The following JMJD4 variants were observed in gnomAD, a reference collection of about 807,000 sequenced individuals.
JMJD4 encodes jumonji domain containing 4, also known as 2-oxoglutarate and iron-dependent oxygenase JMJD4.
In JMJD4, 34 loss-of-function variants were observed where a neutral mutation model predicts 36.3. The ratio of observed to expected loss-of-function variants is 0.94; its 90% CI spans 0.71 to 1.25. JMJD4 has a LOEUF of 1.25. Ranked by LOEUF, JMJD4 falls within the 50% of genes most tolerant of loss-of-function variation. The pLI is 0.00. For synonymous variants in JMJD4, 269 were observed against 235.3 expected, an observed-to-expected ratio of 1.14 and a Z score of -1.31; for missense variants, 584 against 559.1, an observed-to-expected ratio of 1.04 and a Z score of -0.45.
At chr1:227,734,911 C>A in intron 1 of JMJD4, 95 bp from the exon 2 acceptor site, 2 of 1,528,178 alleles carry the variant, frequency 1.3e-6, no homozygotes, top group African/African-American at 1.4e-5. Flanking sequence ...CGCGCCTGGC[C>A]TCCCTCACCC....
intron 2 of JMJD4, chr1:227,734,417 G>A (rs368593125): frequency 1.1e-5 from 5 of 437,820 alleles, no homozygotes; most frequent in African/African-American, 1.0e-4. Flanking sequence ...CCAGGTACTA[G>A]GGAGGCTGAG....
At chr1:227,734,316 G>T in intron 2 of JMJD4, 1 of 266,006 alleles carries the variant, frequency 3.8e-6, no homozygotes, top group Non-Finnish European at 6.5e-6. Context: ...AGGAGTTCAA[G>T]ACCAGCCTGG....
chr1:227,734,930 GC>G (rs1660973475), intron 1 of JMJD4, 81 bp downstream of exon 1: 2 of 1,519,200 alleles, frequency 1.3e-6, no homozygotes, highest in Non-Finnish European at 1.8e-6. Context: ...CCTCCCTGGT[GC>G]CCCTCTCTAG....
In JMJD4 at chr1:227,735,226, C is replaced by T. The variant is rs781766280; in HGVS notation, c.48G>A (p.Leu16=). ...GGCCGACGCCGGGGACATCGACCCC[C>T]AGGCCTCGGAAGTGGCTGTCGGCGA... ...RALADSHFRG[L]GVDVPGVGQA... is the part of the protein sequence containing the mutation. Residue 16 remains leucine, a synonymous_variant, in exon 1 of 6, where the codon CTG becomes CTA. Transcript: ENST00000620518. 1.3e-6 allele frequency: 2 copies of T among 1,596,280 alleles called. No homozygotes were observed. Among genetic ancestry groups the T allele is most frequent in the African/African-American group, 1.3e-5 (1 of 74,390 alleles).
At chr1:227,732,829 G>A in intron 5 of JMJD4, 52 bp downstream of exon 5, 1 of 1,606,658 alleles carries the variant, frequency 6.2e-7, no homozygotes, top group Non-Finnish European at 8.5e-7. Flanking sequence ...TCTGAGCCAT[G>A]CAGCCTAAAA....
Position 227,732,964 on chromosome 1 carries a change from A to G in JMJD4, c.886T>C (p.Phe296Leu), listed in dbSNP as rs41270159. The G allele has an allele frequency of 0.034, 55,299 of 1,613,344 alleles. 1,132 individuals carry two copies. Among genetic ancestry groups the G allele is most frequent in the Middle Eastern group, 0.064 (387 of 6,056 alleles). ...ACGGCGCATAGCTCCTGCTGCAAGA[A>G]GCGCCACATGTTGGCCAGGTTGAAG... ...NGFNLANMWR[F>L]LQQELCAVQE... The change falls in exon 5 of 6, where the codon TTC becomes CTC. Residue 296 changes from phenylalanine (F) to leucine (L), a missense_variant. Transcript: ENST00000620518.
At position 227,734,771 on chromosome 1, in the gene JMJD4, T is replaced by C; in HGVS notation, c.308A>G (p.Asn103Ser). The change falls in exon 2 of 6, where the codon AAC becomes AGC. Residue 103 changes from asparagine to serine, a missense_variant. Coordinates refer to ENST00000620518, the MANE Select transcript of JMJD4 (RefSeq NM_023007.3). ...AGTCATGTGCTCTTTGGGGTTCGAG[T>C]TGTATTCCTGGACCCCACAGTTTGC... The part of the protein sequence containing the change: ...PVANCGVQEY[N>S]SNPKEHMTLR... The C allele has an allele frequency of 1.9e-6, 3 of 1,614,054 alleles. No individual in the cohort carries two copies. The highest frequency in any genetic ancestry group is 1.7e-6 in the Non-Finnish European group (2 of 1,180,002).
chr1:227,734,987 C>G, intron 1 of JMJD4, 25 bp downstream of exon 1: 1 of 1,511,532 alleles, frequency 6.6e-7, no homozygotes, highest in Non-Finnish European at 8.8e-7. Context: ...TCCTCCCCGC[C>G]CGGGGTCTGC....
rs766933897 is a variant in JMJD4, at chr1:227,733,936, G to T, written c.525C>A (p.Arg175=). Reference sequence around the variant, plus strand: ...TGCCCGCAGGCCCCGCGTAGACAAAGCGGTAGTCATCCACATCCAGTGCAT... The same window carrying T: ...TGCCCGCAGGCCCCGCGTAGACAAATCGGTAGTCATCCACATCCAGTGCAT... The part of the protein sequence containing the change: ...FWDALDVDDY[R]FVYAGPAGSW... Residue 175 remains arginine (R), a synonymous_variant, in exon 3 of 6, where the codon CGC becomes CGA. Transcript: ENST00000620518. 1.9e-6 allele frequency: 3 copies of T among 1,613,926 alleles called. No homozygotes were observed. The South Asian group carries it at 3.3e-5, about 18-fold the overall frequency.
rs1660646003 is a variant in JMJD4 at position 227,731,500 on chromosome 1, T to C, written c.*892A>G. On this transcript the variant is annotated 3_prime_UTR_variant, in exon 6 of 6. Coordinates refer to ENST00000620518, the MANE Select transcript of JMJD4 (RefSeq NM_023007.3). ...GGACAGGGCTGGGAGAGTGCCAGTCTCCACAAACTGTGGATCCACTAGAGG... is the reference window on the plus strand; with the variant it reads ...GGACAGGGCTGGGAGAGTGCCAGTCCCCACAAACTGTGGATCCACTAGAGG... 6.6e-6 allele frequency: 1 copy of C among 152,078 alleles called. No homozygotes were observed. Among genetic ancestry groups the C allele is most frequent in the Non-Finnish European group, 1.5e-5 (1 of 68,042 alleles). The allele number at this position is 152,078 out of a possible 1,614,324, so 9.4% of individuals were successfully genotyped here. A position where few individuals can be genotyped will look rare whatever the true frequency, so the allele number is the denominator to read the frequency against.
rs574239761 is a variant in JMJD4, at chr1:227,732,388, G to A, written c.*4C>T. On this transcript the variant is annotated 3_prime_UTR_variant, in exon 6 of 6. Coordinates refer to ENST00000620518, the MANE Select transcript of JMJD4 (RefSeq NM_023007.3). ...CACCCGTCCTTCTATCCTCACGACA[G>A]GTGCTATGGGGCCGCAGCAGCATCA... 9.9e-5 allele frequency: 160 copies of A among 1,611,314 alleles called. 2 individuals carry two copies. The South Asian group carries it at 1.7e-3, about 17-fold the overall frequency.
At chr1:227,734,116 A>T (rs976546298) in intron 2 of JMJD4, 84 bp from the exon 3 acceptor site, 14 of 1,484,680 alleles carry the variant, frequency 9.4e-6, no homozygotes, top group Non-Finnish European at 1.3e-5. Context: ...ACTGAGACCA[A>T]TCGGCTCCAG....
chr1:227,732,952 CCTG>C lies in JMJD4; in HGVS notation c.895_897del (p.Gln299del). The C allele has an allele frequency of 6.2e-7, 1 of 1,613,288 alleles. No individual in the cohort carries two copies. The highest frequency in any genetic ancestry group is 8.5e-7 in the Non-Finnish European group (1 of 1,180,034). The stretch of plus-strand genomic sequence containing the variant: ...ACCTCCTCCTGCACGGCGCATAGCT[CCTG>C]CTGCAAGAAGCGCCACATGTTGGCC... On this transcript the variant is annotated inframe_deletion, in exon 5 of 6. Coordinates refer to ENST00000620518, the MANE Select transcript of JMJD4 (RefSeq NM_023007.3).
chr1:227,732,713 G>C, intron 5 of JMJD4, 37 bp from the exon 6 acceptor site: 1 of 1,606,194 alleles, frequency 6.2e-7, no homozygotes, highest in Middle Eastern at 1.7e-4. Flanking sequence ...CTAACACCAT[G>C]GACACAGTCC....
rs1660885878 is a variant in JMJD4 at position 227,734,130 on chromosome 1, AGCTTCCAGATG to A, written c.429-109_429-99del. The A allele has an allele frequency of 2.9e-6, 4 of 1,396,066 alleles. No homozygotes were observed. The African/African-American group carries it at 5.8e-5, about 20-fold the overall frequency. The allele number at this position is 1,396,066 out of a possible 1,614,324, so 86.5% of individuals were successfully genotyped here. ...AACTGAGACCAATCGGCTCCAGTGG[AGCTTCCAGATG>A]GCTGCAGCCCCCAAAGAGCCCCAGA... On this transcript the variant is annotated intron_variant, in intron 2 of 5. Coordinates refer to ENST00000620518, the MANE Select transcript of JMJD4 (RefSeq NM_023007.3).
intron 3 of JMJD4, 40 bp downstream of exon 3, chr1:227,733,867 C>A (rs370146216): frequency 1.2e-6 from 2 of 1,610,504 alleles, no homozygotes; most frequent in African/African-American, 1.3e-5. Context: ...GTTCTGTCAC[C>A]AGGCCCCTTC....
Position 227,732,205 on chromosome 1 carries a change from T to A in JMJD4, c.*187A>T. ...CAGGTCAGAAGGGCCACATCCCATC[T>A]TGGGTCCCTGACCTCATTGGGCCTC... On this transcript the variant is annotated 3_prime_UTR_variant, in exon 6 of 6. Coordinates refer to ENST00000620518, the MANE Select transcript of JMJD4 (RefSeq NM_023007.3). 1 of 653,588 alleles carries A rather than the reference T, an allele frequency of 1.5e-6. No individual in the cohort carries two copies. Among genetic ancestry groups the A allele is most frequent in the East Asian group, 2.7e-5 (1 of 36,724 alleles). 40.5% of individuals were successfully genotyped at this position (653,588 alleles called of 1,614,324 possible).
chr1:227,733,111 T>C, intron 4 of JMJD4, 84 bp from the exon 5 acceptor site: 3 of 1,468,298 alleles, frequency 2.0e-6, no homozygotes, highest in Non-Finnish European at 2.8e-6. Flanking sequence ...AGGAACCCAC[T>C]GTGGGGTCCA....
At position 227,732,181 on chromosome 1, in the gene JMJD4, A is replaced by G; in HGVS notation, c.*211T>C. 1 of 609,902 alleles carries G rather than the reference A, an allele frequency of 1.6e-6. No individual in the cohort carries two copies. The highest frequency in any genetic ancestry group is 2.9e-6 in the Non-Finnish European group (1 of 344,652). The allele number at this position is 609,902 out of a possible 1,614,324, so 37.8% of individuals were successfully genotyped here. ...TCCGAGCTCCCAGCAGGCCTGCTGC[A>G]GGTCAGAAGGGCCACATCCCATCTT... On this transcript the variant is annotated 3_prime_UTR_variant, in exon 6 of 6. Coordinates refer to ENST00000620518, the MANE Select transcript of JMJD4 (RefSeq NM_023007.3).
Sources: gnomAD v4.1 joint callset for allele counts on GRCh38, gnomAD v4.1.1 for gene constraint, MANE v1.5 for transcripts, NCBI Gene and HGNC (gene_info 2026-07-23, HGNC 2026-07-21) for gene names.